The following TTYH2 variants were observed in gnomAD, a reference collection of about 807,000 sequenced individuals.
TTYH2 encodes protein tweety homolog 2.
A neutral mutation model predicts 68.3 loss-of-function variants in TTYH2; 49 were observed. That is an observed-to-expected ratio of 0.72 (90% CI 0.57 to 0.91). TTYH2 has a LOEUF of 0.91. TTYH2 is among the 40% of genes least tolerant of loss of function. TTYH2 has a pLI of 0.00. For synonymous variants in TTYH2, 272 were observed against 300.8 expected (o/e 0.90, Z 0.99); for missense variants, 631 against 700.4 (o/e 0.90, Z 1.12).
chr17:74,233,374 A>C (rs2050409574), intron 3 of TTYH2, among the ~76,000 whole-genome samples: 2 of 152,214 alleles, frequency 1.3e-5, no homozygotes, highest in African/African-American at 4.8e-5. Context: ...ATATCAGATA[A>C]ATGACTAGTG....
At position 74,249,373 on chromosome 17, in the gene TTYH2, C is replaced by T; in HGVS notation, c.904C>T (p.Gln302Ter). The T allele has an allele frequency of 6.2e-7, 1 of 1,614,088 alleles. No individual in the cohort carries two copies. The highest frequency in any genetic ancestry group is 8.5e-7 in the Non-Finnish European group (1 of 1,180,028). Reference protein sequence around the residue: ...EVTRYYLYCSQSGSSPFQQTL... With the variant: ...EVTRYYLYCS ...GACTCGCTACTACCTGTATTGCAGCCAGAGTGGAAGCAGCCCCTTCCAGCA... is the reference window on the plus strand; with the variant it reads ...GACTCGCTACTACCTGTATTGCAGCTAGAGTGGAAGCAGCCCCTTCCAGCA... The change falls in exon 8 of 14, where the codon CAG becomes TAG. Residue 302 changes from glutamine to a stop codon, truncating the protein, a stop_gained. Transcript: ENST00000269346. LOFTEE classifies it high-confidence loss of function.
At chr17:74,247,700 T>C (rs995152008) in intron 6 of TTYH2, among the ~76,000 whole-genome samples, 1 of 152,106 alleles carries the variant, frequency 6.6e-6, no homozygotes, top group African/African-American at 2.4e-5. Context: ...GCACTCTCTG[T>C]CACTCCAGCC....
intron 6 of TTYH2, chr17:74,248,390 G>C: frequency 3.0e-6 from 3 of 987,046 alleles, no homozygotes; most frequent in Non-Finnish European, 3.6e-6. Context: ...GTGCTGTGGG[G>C]CCAGGTCCTC....
In TTYH2 at chr17:74,222,604, G is replaced by A. The variant is rs140697851; in HGVS notation, c.249G>A (p.Gln83=). The part of the protein sequence containing the change: ...CRRDDAVQTK[Q]HHSCCITWTA... ...GGGACGATGCGGTGCAGACCAAGCA[G>A]CACCACTCCTGCTGCATCACCTGGA... Residue 83 remains glutamine, a synonymous_variant, in exon 2 of 14, where the codon CAG becomes CAA. Coordinates refer to ENST00000269346, the MANE Select transcript of TTYH2 (RefSeq NM_032646.6). This position sits in a 1 kb window ranked among gnomAD's most constrained non-coding sequence, Gnocchi z 5.2. 8.1e-6 allele frequency: 13 copies of A among 1,611,948 alleles called. No individual in the cohort carries two copies. The African/African-American group carries it at 1.7e-4, about 22-fold the overall frequency.
At chr17:74,248,502 A>G (rs2050584374) in intron 6 of TTYH2, 1 of 992,764 alleles carries the variant, frequency 1.0e-6, no homozygotes, top group Non-Finnish European at 1.2e-6. Flanking sequence ...TTCAGCACCA[A>G]CCTCATTCTT....
At chr17:74,223,375 C>A (rs1252500736) in intron 2 of TTYH2, among the ~76,000 whole-genome samples, 2 of 152,106 alleles carry the variant, frequency 1.3e-5, no homozygotes, top group Non-Finnish European at 2.9e-5. Flanking sequence ...ATCCACCTGC[C>A]TCAGCCTCCA....
intron 10 of TTYH2, among the ~76,000 whole-genome samples, chr17:74,251,335 TGTG>T (rs1232592381): frequency 2.5e-5 from 3 of 119,500 alleles, no homozygotes; most frequent in Non-Finnish European, 5.3e-5. Context: ...TGCACATGTA[TGTG>T]GTGTGTGTGG....
rs1478030391 is a variant in TTYH2 at position 74,261,313 on chromosome 17, C to G, written c.*1104C>G. On this transcript the variant is annotated 3_prime_UTR_variant, in exon 14 of 14. Transcript: ENST00000269346. ...AGGAGAAAAAAGCCAAGAGGGAAAG[C>G]CAGAGTTCCCTGTTCTAGGGGACTA... 1 of 152,170 alleles carries G rather than the reference C, an allele frequency of 6.6e-6. No homozygotes were observed. The highest frequency in any genetic ancestry group is 1.5e-5 in the Non-Finnish European group (1 of 68,038). The allele number at this position is 152,170 out of a possible 1,614,324, so 9.4% of individuals were successfully genotyped here. A position where few individuals can be genotyped will look rare whatever the true frequency, so the allele number is the denominator to read the frequency against.
intron 4 of TTYH2, among the ~76,000 whole-genome samples, chr17:74,240,526 T>C (rs1348964033): frequency 6.6e-6 from 1 of 152,104 alleles, no homozygotes; most frequent in Admixed American, 6.5e-5. Flanking sequence ...CTCCTGTCTT[T>C]GCTTCCATCT....
At chr17:74,234,570 A>C (rs1327521958) in intron 3 of TTYH2, among the ~76,000 whole-genome samples, 5 of 152,240 alleles carry the variant, frequency 3.3e-5, no homozygotes, top group African/African-American at 1.2e-4. Flanking sequence ...ATCTCAAAAA[A>C]ACAATTTTTT....
chr17:74,215,096 C>A lies in TTYH2; in HGVS notation c.129+1380C>A, dbSNP rs556293190. On this transcript the variant is annotated intron_variant, in intron 1 of 13. Transcript: ENST00000269346. This position sits in a 1 kb window ranked among gnomAD's most constrained non-coding sequence, Gnocchi z 4.3. ...CTGTGTTCCCTGAGAATGTGGCTGC[C>A]TGGGGATAGCTCCAGGGAATCTTCC... 6.6e-6 allele frequency among the ~76,000 whole-genome samples: 1 copy of A among 151,980 alleles called. No individual in the cohort carries two copies. The highest frequency in any genetic ancestry group is 6.5e-5 in the Admixed American group (1 of 15,274).
At chr17:74,228,587 T>G in intron 2 of TTYH2, among the ~76,000 whole-genome samples, 1 of 152,194 alleles carries the variant, frequency 6.6e-6, no homozygotes, top group East Asian at 1.9e-4. Context: ...GTTCTGCTTT[T>G]GGTTAAAACA....
chr17:74,226,934 TTTTC>T lies in TTYH2; in HGVS notation c.303-3945_303-3942del, dbSNP rs1353505886. Among the ~76,000 whole-genome samples, 9 of 152,086 alleles carry T rather than the reference TTTTC, an allele frequency of 5.9e-5. No individual in the cohort carries two copies. The East Asian group carries it at 1.7e-3, about 29-fold the overall frequency. ...AACCTCATTAAACAGCCAAGGCGAT[TTTTC>T]TTTCTTTCCTTTCTTTTCTCTTCCT... On this transcript the variant is annotated intron_variant, in intron 2 of 13. Coordinates refer to ENST00000269346, the MANE Select transcript of TTYH2 (RefSeq NM_032646.6).
intron 6 of TTYH2, among the ~76,000 whole-genome samples, chr17:74,245,559 C>T (rs909935525): frequency 6.6e-6 from 1 of 152,224 alleles, no homozygotes; most frequent in African/African-American, 2.4e-5. Flanking sequence ...CTTCAGTGTT[C>T]ACGAAAACCA....
intron 2 of TTYH2, among the ~76,000 whole-genome samples, chr17:74,227,507 G>A (rs2050342278): frequency 6.6e-6 from 1 of 152,208 alleles, no homozygotes; most frequent in African/African-American, 2.4e-5. Flanking sequence ...GTTACAAATT[G>A]GAGGGTCACG....
intron 13 of TTYH2, among the ~76,000 whole-genome samples, chr17:74,257,903 C>T (rs1472591132): frequency 2.0e-5 from 3 of 152,094 alleles, no homozygotes; most frequent in Admixed American, 2.0e-4. Context: ...CCTGTAATCC[C>T]AGCACTTTGG....
intron 4 of TTYH2, 152 bp from the exon 5 acceptor site, chr17:74,243,222 G>T: frequency 3.0e-6 from 2 of 658,172 alleles, no homozygotes; most frequent in South Asian, 3.6e-5. Context: ...CGAGGCTTCA[G>T]CCCACGCATG....
chr17:74,251,157 G>A (rs2050620836), intron 10 of TTYH2, among the ~76,000 whole-genome samples: 1 of 151,722 alleles, frequency 6.6e-6, no homozygotes, highest in Non-Finnish European at 1.5e-5. Context: ...GTGTATGTAT[G>A]TGTGTGGTAT....
At position 74,240,438 on chromosome 17, in the gene TTYH2, C is replaced by CA. The variant is rs762865595; in HGVS notation, c.636-2921dup. On this transcript the variant is annotated intron_variant, in intron 4 of 13. Transcript: ENST00000269346. ...AGGGCAATAGAGTGAGACTCTGTCT[C>CA]AAAAAAAAAAAAAAAGCAGAGGTCT... Among the ~76,000 whole-genome samples, 728 of 117,762 alleles carry CA rather than the reference C, an allele frequency of 6.2e-3. 2 individuals carry two copies. The highest frequency in any genetic ancestry group is 0.018 in the Middle Eastern group (4 of 222). The allele number at this position is 117,762 out of a possible 152,430, so 77.3% of individuals were successfully genotyped here.
Sources: allele counts gnomAD v4.1 joint callset (sites outside exome capture counted in the v4.1 genomes callset), GRCh38; gene constraint gnomAD v4.1.1; non-coding constraint Gnocchi (gnomAD v3.1); transcripts MANE v1.5; gene names NCBI Gene and HGNC (gene_info 2026-07-23, HGNC 2026-07-21).